Variants in CCDC148 observed in about 807,000 individuals in gnomAD.
The protein encoded by CCDC148 is coiled-coil domain-containing protein 148.
Under a neutral mutation model 85.7 loss-of-function variants are expected in CCDC148, and 89 were observed. The observed-to-expected ratio is 1.04, with a 90% confidence interval of 0.87 to 1.24. The LOEUF is 1.24. Ranked by LOEUF, CCDC148 falls within the 50% of genes most tolerant of loss-of-function variation. CCDC148 has a pLI of 0.00. For synonymous variants in CCDC148, 230 were observed against 213.9 expected (o/e 1.08, Z -0.66); for missense variants, 692 against 671.7 (o/e 1.03, Z -0.33).
intron 8 of CCDC148, among the ~76,000 whole-genome samples, chr2:158,311,778 C>G (rs180868870): frequency 1.3e-3 from 203 of 152,196 alleles, no homozygotes; most frequent in Non-Finnish European, 2.4e-3. Flanking sequence ...TGTTAGGATG[C>G]CTAAACTTAA....
intron 11 of CCDC148, among the ~76,000 whole-genome samples, chr2:158,203,384 T>C (rs979982369): frequency 6.6e-6 from 1 of 152,216 alleles, no homozygotes; most frequent in Non-Finnish European, 1.5e-5. Context: ...AATACTGCCA[T>C]AGTGATCCTG....
intron 1 of CCDC148, among the ~76,000 whole-genome samples, chr2:158,448,270 T>C (rs546477663): frequency 1.6e-3 from 244 of 152,352 alleles, no homozygotes; most frequent in African/African-American, 5.6e-3. Flanking sequence ...TATAGCTTTA[T>C]AAGTTTTGAA....
intron 11 of CCDC148, among the ~76,000 whole-genome samples, chr2:158,190,324 G>C (rs1482837342): frequency 6.6e-6 from 1 of 151,980 alleles, no homozygotes; most frequent in African/African-American, 2.4e-5. Flanking sequence ...CACCCAGGCA[G>C]ATCAGCATTT....
Position 158,176,649 on chromosome 2 carries a change from C to G in CCDC148, c.1501G>C (p.Ala501Pro). 6.2e-7 allele frequency: 1 copy of G among 1,611,634 alleles called. No homozygotes were observed. The highest frequency in any genetic ancestry group is 8.5e-7 in the Non-Finnish European group (1 of 1,178,732). Residue 501 changes from alanine to proline, a missense_variant, in exon 13 of 14, where the codon GCT becomes CCT. Transcript: ENST00000283233. ...EALRKQVAVV[A>P]QFDPVRMMSD... ...ATCATTCTAACAGGATCAAATTGAG[C>G]AACAACAGCAACCTAAAAATGAGAA... is the stretch of plus-strand genomic sequence containing the variant.
At chr2:158,224,121 T>C (rs1214056265) in intron 10 of CCDC148, among the ~76,000 whole-genome samples, 1 of 152,006 alleles carries the variant, frequency 6.6e-6, no homozygotes, top group Admixed American at 6.6e-5. Flanking sequence ...GAGAAGGCCT[T>C]AAAGGACCTG....
intron 10 of CCDC148, among the ~76,000 whole-genome samples, chr2:158,229,199 T>C (rs757741937): frequency 1.1e-4 from 16 of 152,264 alleles, no homozygotes; most frequent in Admixed American, 6.5e-4. Context: ...CAGTTCCAAC[T>C]GTGTAATCTT....
chr2:158,314,098 C>T (rs1205792155), intron 7 of CCDC148, among the ~76,000 whole-genome samples: 1 of 152,154 alleles, frequency 6.6e-6, no homozygotes, highest in East Asian at 1.9e-4. Context: ...TTTATTTGGT[C>T]TTGCCATGAG....
At chr2:158,424,281 G>A (rs185486116) in intron 1 of CCDC148, among the ~76,000 whole-genome samples, 1,767 of 152,026 alleles carry the variant, frequency 0.012, 20 homozygotes, top group Middle Eastern at 0.075. Flanking sequence ...TGTTTATTGC[G>A]GCACTATTCA....
Position 158,309,600 on chromosome 2 carries a change from T to C in CCDC148, c.943A>G (p.Ile315Val), listed in dbSNP as rs770563296. The C allele has an allele frequency of 1.9e-6, 3 of 1,613,626 alleles. No individual in the cohort carries two copies. Among genetic ancestry groups the C allele is most frequent in the Admixed American group, 1.7e-5 (1 of 60,022 alleles). ...EKYCDQYRFA[I>V]EQQNILISNW... ...GATATCAGGATATTTTGCTGCTCTATAGCAAAGCGATATTGGTCACAATAT... is the reference window on the plus strand; with the variant it reads ...GATATCAGGATATTTTGCTGCTCTACAGCAAAGCGATATTGGTCACAATAT... The change falls in exon 9 of 14, where the codon ATA becomes GTA. Residue 315 changes from isoleucine to valine, a missense_variant. Ile to Val is a conservative substitution (Grantham distance 29, BLOSUM62 3). Transcript: ENST00000283233.
At chr2:158,269,673 A>G (rs905374290) in intron 9 of CCDC148, among the ~76,000 whole-genome samples, 1 of 152,154 alleles carries the variant, frequency 6.6e-6, no homozygotes, top group African/African-American at 2.4e-5. Flanking sequence ...AGGATACCTA[A>G]TTGGAATGAA....
chr2:158,298,082 G>C (rs965251091), intron 9 of CCDC148, among the ~76,000 whole-genome samples: 17 of 152,344 alleles, frequency 1.1e-4, no homozygotes, highest in Middle Eastern at 3.4e-3. Context: ...TATCAGGAGA[G>C]AGAATGAGTG....
chr2:158,279,309 C>T (rs1418981259), intron 9 of CCDC148, among the ~76,000 whole-genome samples: 2 of 152,142 alleles, frequency 1.3e-5, no homozygotes, highest in Non-Finnish European at 2.9e-5. Context: ...GAGAAGAAGG[C>T]TTCAGACGAT....
At chr2:158,283,133 A>G (rs1430788138) in intron 9 of CCDC148, among the ~76,000 whole-genome samples, 1 of 152,218 alleles carries the variant, frequency 6.6e-6, no homozygotes, top group African/African-American at 2.4e-5. Context: ...TCAATTCAAG[A>G]TGGATTAAAG....
At chr2:158,230,759 C>T (rs1687816721) in intron 10 of CCDC148, among the ~76,000 whole-genome samples, 1 of 152,142 alleles carries the variant, frequency 6.6e-6, no homozygotes, top group South Asian at 2.1e-4. Context: ...AAAGGCAGCG[C>T]TCGTCCCTGG....
At chr2:158,210,425 T>C (rs1287191237) in intron 11 of CCDC148, among the ~76,000 whole-genome samples, 1 of 151,998 alleles carries the variant, frequency 6.6e-6, no homozygotes, top group Non-Finnish European at 1.5e-5. Context: ...TTAACAAGGA[T>C]ATTTAGGACT....
chr2:158,279,839 T>C (rs1219741225), intron 9 of CCDC148, among the ~76,000 whole-genome samples: 2 of 151,072 alleles, frequency 1.3e-5, no homozygotes, highest in East Asian at 3.9e-4. Context: ...TTCACCAAAG[T>C]TGAAATGAAG....
intron 9 of CCDC148, among the ~76,000 whole-genome samples, chr2:158,277,402 T>C (rs748121037): frequency 6.6e-6 from 1 of 152,164 alleles, no homozygotes; most frequent in Non-Finnish European, 1.5e-5. Flanking sequence ...TAAGCTAATG[T>C]TTTGTCATAG....
chr2:158,278,139 G>A (rs376095828), intron 9 of CCDC148, among the ~76,000 whole-genome samples: 13 of 152,054 alleles, frequency 8.5e-5, no homozygotes, highest in South Asian at 4.2e-4. Flanking sequence ...AAATAAAACC[G>A]GAGGAGCCAA....
chr2:158,235,291 A>G (rs934497804), intron 10 of CCDC148, among the ~76,000 whole-genome samples: 2 of 152,234 alleles, frequency 1.3e-5, no homozygotes, highest in Admixed American at 6.5e-5. Context: ...TCCAAATTCT[A>G]TTCCTGTATC....
Sources: gnomAD v4.1 joint callset for allele counts (sites outside exome capture counted in the v4.1 genomes callset) on GRCh38, gnomAD v4.1.1 for gene constraint, MANE v1.5 for transcripts, NCBI Gene and HGNC (gene_info 2026-07-23, HGNC 2026-07-21) for gene names.